Variants in BRSK2 observed in about 807,000 individuals in gnomAD.
The protein encoded by BRSK2 is BR serine/threonine kinase 2.
Under a neutral mutation model 83.3 loss-of-function variants are expected in BRSK2, and 19 were observed. That is an observed-to-expected ratio of 0.23 (90% CI 0.16 to 0.33). The LOEUF (loss-of-function observed/expected upper bound fraction) is 0.33, where lower values mean the gene tolerates loss of function less well. Ranked by LOEUF, BRSK2 falls within the 10% of genes least tolerant of loss-of-function variation. The probability of loss-of-function intolerance (pLI) is 1.00; values close to 1 mark genes in which losing one functional copy is unlikely to be tolerated. For missense variants in BRSK2, 798 were observed against 1,042.3 expected (o/e 0.77, Z 3.23); for synonymous variants, 519 against 435.4 (o/e 1.19, Z -2.39).
Position 1,454,310 on chromosome 11 carries a change from G to T in BRSK2, c.1545-175G>T. ...CCACGGTGATGGTCAGGGCATATGG[G>T]CTAGGGTTAGGGCGTTGGGGTCAGG... On this transcript the variant is annotated intron_variant, in intron 15 of 19. Transcript: ENST00000528841. The surrounding 1 kb of genome is among the most constrained non-coding windows in gnomAD (Gnocchi z 5.2). 1.4e-6 allele frequency: 1 copy of T among 708,364 alleles called. No individual in the cohort carries two copies. Among genetic ancestry groups the T allele is most frequent in the East Asian group, 2.7e-5 (1 of 37,634 alleles). The allele number at this position is 708,364 out of a possible 1,614,324, so 43.9% of individuals were successfully genotyped here. A position where few individuals can be genotyped will look rare whatever the true frequency, so the allele number is the denominator to read the frequency against.
Position 1,411,863 on chromosome 11 carries a change from C to A in BRSK2, c.91+21488C>A, listed in dbSNP as rs146434166. Among the ~76,000 whole-genome samples the A allele has an allele frequency of 5.3e-3, 809 of 152,360 alleles. 2 individuals carry two copies. Among genetic ancestry groups the A allele is most frequent in the Non-Finnish European group, 9.7e-3 (658 of 68,028 alleles). ...CTGCCCACTGGCCCGGCCTGGCATC[C>A]GGGCCCTCATCTTGCCCTCCCAAAA... On this transcript the variant is annotated intron_variant, in intron 1 of 19. Transcript: ENST00000528841.
In BRSK2 at chr11:1,438,196, G is replaced by A; in HGVS notation, c.187-110G>A. On this transcript the variant is annotated intron_variant, in intron 2 of 19. Transcript: ENST00000528841. This position sits in a 1 kb window ranked among gnomAD's most constrained non-coding sequence, Gnocchi z 6.4. ...AAGGCCCCTGCGACCCCCACAGCTG[G>A]CACCAAAGGCCCCTGCGACCCCCAC... 1.0e-6 allele frequency: 1 copy of A among 972,062 alleles called. No individual in the cohort carries two copies. Among genetic ancestry groups the A allele is most frequent in the Non-Finnish European group, 1.6e-6 (1 of 642,186 alleles). 60.2% of individuals were successfully genotyped at this position (972,062 alleles called of 1,614,324 possible).
chr11:1,439,793 T>C (rs982970395), intron 3 of BRSK2, among the ~76,000 whole-genome samples: 18 of 135,794 alleles, frequency 1.3e-4, no homozygotes, highest in African/African-American at 4.8e-4. Context: ...GCTTCACACC[T>C]TCCCCTGCCC....
intron 18 of BRSK2, 136 bp from the exon 19 acceptor site, chr11:1,459,056 T>G: frequency 3.0e-6 from 2 of 674,044 alleles, no homozygotes. Flanking sequence ...CCCCCCAGTA[T>G]TCCCCACCCA....
At chr11:1,396,221 C>CCCCACTCCTCGTCT (rs1846088601) in intron 1 of BRSK2, among the ~76,000 whole-genome samples, 2 of 93,938 alleles carry the variant, frequency 2.1e-5, no homozygotes, top group East Asian at 5.7e-4. Context: ...ACTCCTGGTC[C>CCCCACTCCTCGTCT]CTCTTCCCTT....
rs528669624 is a variant in BRSK2 at position 1,454,811 on chromosome 11, C to A, written c.1668+203C>A. On this transcript the variant is annotated intron_variant, in intron 16 of 19. Transcript: ENST00000528841. The surrounding 1 kb of genome is among the most constrained non-coding windows in gnomAD (Gnocchi z 5.2). ...TCGTGAGGGAGGGGTCACTGCCCAT[C>A]TGGGGTGCTTGGCCTGCGGAGGGAG... 6.6e-6 allele frequency among the ~76,000 whole-genome samples: 1 copy of A among 152,354 alleles called. No homozygotes were observed. The highest frequency in any genetic ancestry group is 2.4e-5 in the African/African-American group (1 of 41,594).
intron 1 of BRSK2, among the ~76,000 whole-genome samples, chr11:1,397,496 A>G (rs1238229645): frequency 6.6e-6 from 1 of 152,220 alleles, no homozygotes; most frequent in Non-Finnish European, 1.5e-5. Context: ...GGACGCCTCC[A>G]GCTTCCCAGG....
chr11:1,398,184 ATAGGGGCTG>A (rs1332280557), intron 1 of BRSK2, among the ~76,000 whole-genome samples: 1 of 152,078 alleles, frequency 6.6e-6, no homozygotes, highest in African/African-American at 2.4e-5. Flanking sequence ...AGGGGTCAGG[ATAGGGGCTG>A]GGGGGCAGTG....
At chr11:1,455,645 C>T (rs576997726) in intron 16 of BRSK2, among the ~76,000 whole-genome samples, 1 of 151,838 alleles carries the variant, frequency 6.6e-6, no homozygotes, top group Non-Finnish European at 1.5e-5. Flanking sequence ...GGGTCCTCAG[C>T]GTCCCCGTCC....
rs1850604630 is a variant in BRSK2, at chr11:1,438,215, C to T, written c.187-91C>T. The T allele has an allele frequency of 4.0e-6, 5 of 1,265,344 alleles. No individual in the cohort carries two copies. Among genetic ancestry groups the T allele is most frequent in the Non-Finnish European group, 4.5e-6 (4 of 885,084 alleles). The allele number at this position is 1,265,344 out of a possible 1,614,324, so 78.4% of individuals were successfully genotyped here. A position where few individuals can be genotyped will look rare whatever the true frequency, so the allele number is the denominator to read the frequency against. ...CAGCTGGCACCAAAGGCCCCTGCGA[C>T]CCCCACAGCTGGCACCAAAGGCAGT... On this transcript the variant is annotated intron_variant, in intron 2 of 19. Transcript: ENST00000528841. The surrounding 1 kb of genome is among the most constrained non-coding windows in gnomAD (Gnocchi z 6.4).
chr11:1,454,641 G>GCCCTCCCA lies in BRSK2; in HGVS notation c.1668+34_1668+41dup, dbSNP rs1396304577. ...CACAGGGCGCTGGGGGAGGCGGGCA[G>GCCCTCCCA]CCCTCCCAACCCCACACGGCCCAGC... On this transcript the variant is annotated intron_variant, in intron 16 of 19. Coordinates refer to ENST00000528841, the MANE Select transcript of BRSK2 (RefSeq NM_001256627.2). This position sits in a 1 kb window ranked among gnomAD's most constrained non-coding sequence, Gnocchi z 5.2. The GCCCTCCCA allele has an allele frequency of 6.2e-7, 1 of 1,610,062 alleles. No homozygotes were observed. The highest frequency in any genetic ancestry group is 1.1e-5 in the South Asian group (1 of 90,948).
rs1847499818 is a variant in BRSK2, at chr11:1,461,526, GC to G, written c.*804del. ...CCTTCCCAGCAGGCCAGGCCGCTGGGCTGGGATCAGTGTTATTTATTTGCCG... is the reference window on the plus strand; with the variant it reads ...CCTTCCCAGCAGGCCAGGCCGCTGGGTGGGATCAGTGTTATTTATTTGCCG... On this transcript the variant is annotated 3_prime_UTR_variant, in exon 20 of 20. Transcript: ENST00000528841. The G allele has an allele frequency of 5.4e-6, 1 of 183,506 alleles. No homozygotes were observed. 11.4% of individuals were successfully genotyped at this position (183,506 alleles called of 1,614,324 possible).
chr11:1,459,485 G>C lies in BRSK2; in HGVS notation c.1987+246G>C. Reference sequence around the variant, plus strand: ...TCTGCCAGGCCCTAGGATCAGGGCAGGCCCAAGAAGGGGCTCCCAAGGCCT... The same window carrying C: ...TCTGCCAGGCCCTAGGATCAGGGCACGCCCAAGAAGGGGCTCCCAAGGCCT... On this transcript the variant is annotated intron_variant, in intron 19 of 19. Transcript: ENST00000528841. 4 of 540,202 alleles carry C rather than the reference G, an allele frequency of 7.4e-6. 1 individual carries two copies. In the South Asian group the frequency reaches 8.6e-5, roughly 12 times the overall value. 33.5% of individuals were successfully genotyped at this position (540,202 alleles called of 1,614,324 possible).
chr11:1,415,858 C>T (rs1253313186), intron 1 of BRSK2, among the ~76,000 whole-genome samples: 1 of 152,286 alleles, frequency 6.6e-6, no homozygotes, highest in Non-Finnish European at 1.5e-5. Context: ...CCTCCTCGGC[C>T]ACTGTCCCCT....
At chr11:1,427,691 A>AAGCCTGTGT (rs1472347414) in intron 1 of BRSK2, among the ~76,000 whole-genome samples, 2 of 152,242 alleles carry the variant, frequency 1.3e-5, no homozygotes, top group African/African-American at 4.8e-5. Flanking sequence ...CTCGACAGCC[A>AAGCCTGTGT]AGCCTGTGTT....
chr11:1,395,714 G>A (rs1266891487), intron 1 of BRSK2, among the ~76,000 whole-genome samples: 1 of 152,080 alleles, frequency 6.6e-6, no homozygotes, highest in Non-Finnish European at 1.5e-5. Context: ...GGCACCGCCC[G>A]GCCCTGATCG....
At chr11:1,459,082 A>T in intron 18 of BRSK2, 110 bp from the exon 19 acceptor site, 1 of 933,462 alleles carries the variant, frequency 1.1e-6, no homozygotes, top group Non-Finnish European at 1.6e-6. Flanking sequence ...CTGGGGCCCT[A>T]CCCACTCCTG....
chr11:1,438,271 T>C lies in BRSK2; in HGVS notation c.187-35T>C, dbSNP rs774948358. On this transcript the variant is annotated intron_variant, in intron 2 of 19. Transcript: ENST00000528841. The surrounding 1 kb of genome is among the most constrained non-coding windows in gnomAD (Gnocchi z 6.4). ...TGGGGAGCGATGCGTGCCCCAGCCC[T>C]GTGAGCGTGATGTTCTCTGGCCTCT... 1 of 1,604,932 alleles carries C rather than the reference T, an allele frequency of 6.2e-7. No individual in the cohort carries two copies. The highest frequency in any genetic ancestry group is 8.5e-7 in the Non-Finnish European group (1 of 1,172,016).
rs1038164058 is a variant in BRSK2 at position 1,436,020 on chromosome 11, C to G, written c.92-20C>G. On this transcript the variant is annotated intron_variant, in intron 1 of 19. Coordinates refer to ENST00000528841, the MANE Select transcript of BRSK2 (RefSeq NM_001256627.2). ...CAGGCACCCTGGGTGGGTCTGAGCG[C>G]GGCTGCTTCTCTCCCGCAGGTCTGG... is the stretch of plus-strand genomic sequence containing the variant. 1.9e-6 allele frequency: 3 copies of G among 1,589,358 alleles called. No homozygotes were observed. In the African/African-American group the frequency reaches 4.0e-5, roughly 21 times the overall value.
Sources: allele counts gnomAD v4.1 joint callset (sites outside exome capture counted in the v4.1 genomes callset), GRCh38; gene constraint gnomAD v4.1.1; non-coding constraint Gnocchi (gnomAD v3.1); transcripts MANE v1.5; gene names NCBI Gene and HGNC (gene_info 2026-07-23, HGNC 2026-07-21).